Variants in CAPN9 observed in about 807,000 individuals in gnomAD.
The protein encoded by CAPN9 is calpain 9, also known as calpain-9.
Under a neutral mutation model 92.8 loss-of-function variants are expected in CAPN9, and 81 were observed. The observed-to-expected ratio is 0.87, with a 90% CI of 0.73 to 1.05. The LOEUF (loss-of-function observed/expected upper bound fraction) is 1.05. Ranked by LOEUF, CAPN9 falls within the 50% of genes least tolerant of loss-of-function variation. The pLI is 0.00. For synonymous variants in CAPN9, 304 were observed against 328.0 expected, an observed-to-expected ratio of 0.93 and a Z score of 0.79; for missense variants, 848 against 866.2, an observed-to-expected ratio of 0.98 and a Z score of 0.26.
At chr1:230,795,591 G>T in intron 18 of CAPN9, 1 of 295,892 alleles carries the variant, frequency 3.4e-6, no homozygotes, top group East Asian at 8.8e-5. Flanking sequence ...TCCCATCATA[G>T]CATATAGAAA....
Position 230,780,025 on chromosome 1 carries a change from G to T in CAPN9, c.1115-154G>T, listed in dbSNP as rs74144833. ...GAGGACTTATTGAACAGGGAGAGAA[G>T]GTATTACTTTCTCATGTTTGGTAGG... On this transcript the variant is annotated intron_variant, in intron 9 of 19. Coordinates refer to ENST00000271971, the MANE Select transcript of CAPN9 (RefSeq NM_006615.3). 3.3e-3 allele frequency among the ~76,000 whole-genome samples: 496 copies of T among 151,780 alleles called. 1 individual carries two copies. Among genetic ancestry groups the T allele is most frequent in the African/African-American group, 0.011 (456 of 41,368 alleles).
intron 11 of CAPN9, among the ~76,000 whole-genome samples, 179 bp downstream of exon 11, chr1:230,780,887 T>A (rs956535568): frequency 6.6e-6 from 1 of 151,222 alleles, no homozygotes; most frequent in African/African-American, 2.4e-5. Context: ...TTTTTTGAAA[T>A]GAAGTTTCAC....
intron 8 of CAPN9, chr1:230,776,039 T>A (rs1014336052): frequency 4.6e-5 from 7 of 152,212 alleles, no homozygotes; most frequent in Non-Finnish European, 8.8e-5. Flanking sequence ...TATAGTTGTC[T>A]TAGTCTATTT....
intron 4 of CAPN9, 152 bp downstream of exon 4, chr1:230,762,938 G>T (rs957296852): frequency 2.6e-6 from 2 of 758,968 alleles, no homozygotes; most frequent in Non-Finnish European, 4.0e-6. Flanking sequence ...CTCAAGCGGG[G>T]TTGGAGGTGG....
In CAPN9 at chr1:230,779,102, C is replaced by A; in HGVS notation, c.1083C>A (p.Gly361=). The A allele has an allele frequency of 6.2e-7, 1 of 1,612,860 alleles. No individual in the cohort carries two copies. The highest frequency in any genetic ancestry group is 1.7e-5 in the Admixed American group (1 of 60,018). ...VTVHQGSWVR[G]STAGGCRNFL... Reference sequence around the variant, plus strand: ...TCCATCAGGGAAGCTGGGTTCGCGGCTCCACGGCTGGGGGCTGCCGCAATT... The same window carrying A: ...TCCATCAGGGAAGCTGGGTTCGCGGATCCACGGCTGGGGGCTGCCGCAATT... Residue 361 remains glycine, a synonymous_variant, in exon 9 of 20, where the codon GGC becomes GGA. Coordinates refer to ENST00000271971, the MANE Select transcript of CAPN9 (RefSeq NM_006615.3).
intron 8 of CAPN9, among the ~76,000 whole-genome samples, chr1:230,778,681 C>T (rs1666992229): frequency 6.6e-6 from 1 of 152,164 alleles, no homozygotes; most frequent in South Asian, 2.1e-4. Flanking sequence ...TCTTACCTCC[C>T]TGTTTAAAAT....
chr1:230,798,190 C>A lies in CAPN9; in HGVS notation c.2016C>A (p.Asn672Lys). The change falls in exon 19 of 20, where the codon AAC (asparagine) becomes AAA (lysine). Residue 672 changes from asparagine (N) to lysine (K), a missense_variant. Asn to Lys is a moderately conservative substitution (Grantham distance 94). Transcript: ENST00000271971. ...SRVFQALSTK[N>K]KEFIHLNINE... ...TGTTCCAGGCTCTCAGTACAAAGAA[C>A]AAGGAGTTCATTCATCTCAATATAA... is the stretch of plus-strand genomic sequence containing the variant. The A allele has an allele frequency of 6.2e-7, 1 of 1,612,112 alleles. No homozygotes were observed. Among genetic ancestry groups the A allele is most frequent in the Non-Finnish European group, 8.5e-7 (1 of 1,178,236 alleles).
intron 1 of CAPN9, 133 bp downstream of exon 1, chr1:230,747,842 CG>C (rs1558301727): frequency 1.3e-6 from 1 of 787,232 alleles, no homozygotes; most frequent in Non-Finnish European, 2.1e-6. Context: ...CCCAGTCTAC[CG>C]TGGAAAGCTT....
chr1:230,792,001 A>T, intron 15 of CAPN9, 73 bp downstream of exon 15: 3 of 1,038,596 alleles, frequency 2.9e-6, no homozygotes, highest in Non-Finnish European at 4.5e-6. Flanking sequence ...AATCTTCAAT[A>T]GTGCAGACTC....
At position 230,747,682 on chromosome 1, in the gene CAPN9, G is replaced by A. The variant is rs1182450168; in HGVS notation, c.186G>A (p.Gln62=). 6.2e-7 allele frequency: 1 copy of A among 1,614,080 alleles called. No individual in the cohort carries two copies. The highest frequency in any genetic ancestry group is 2.2e-5 in the East Asian group (1 of 44,894). The change falls in exon 1 of 20, where the codon CAG becomes CAA. Residue 62 remains glutamine (Q), a synonymous_variant. Transcript: ENST00000271971. ...CCCTGTTCTACAGTGAGAGGCCGCAGATCCCCTTTGTGTGGAAACGACCAG... is the reference window on the plus strand; with the variant it reads ...CCCTGTTCTACAGTGAGAGGCCGCAAATCCCCTTTGTGTGGAAACGACCAG... ...NSSLFYSERP[Q]IPFVWKRPGE...
In CAPN9 at chr1:230,780,226, G is replaced by T. The variant is rs1667117040; in HGVS notation, c.1162G>T (p.Asp388Tyr). Residue 388 changes from aspartate (D) to tyrosine (Y), a missense_variant, in exon 10 of 20, where the codon GAT becomes TAT. Asp to Tyr is a radical substitution (Grantham distance 160). Transcript: ENST00000271971. ...AATAAAATTGTCTCTGACTGAGAAAGATGAGGGGCAGGAGGAGTGTAGTTT... is the reference window on the plus strand; with the variant it reads ...AATAAAATTGTCTCTGACTGAGAAATATGAGGGGCAGGAGGAGTGTAGTTT... ...PQIKLSLTEK[D>Y]EGQEECSFLV... The T allele has an allele frequency of 6.2e-7, 1 of 1,614,014 alleles. No homozygotes were observed. Among genetic ancestry groups the T allele is most frequent in the Admixed American group, 1.7e-5 (1 of 60,010 alleles).
At chr1:230,750,277 C>T (rs183103151) in intron 1 of CAPN9, among the ~76,000 whole-genome samples, 18 of 152,326 alleles carry the variant, frequency 1.2e-4, no homozygotes, top group Admixed American at 4.6e-4. Flanking sequence ...TCTCCACCTA[C>T]GGCAGACCCT....
At chr1:230,782,271 T>C (rs544342810) in intron 11 of CAPN9, among the ~76,000 whole-genome samples, 2 of 152,320 alleles carry the variant, frequency 1.3e-5, no homozygotes, top group African/African-American at 4.8e-5. Context: ...GTAACAAAAA[T>C]TCACACTGAG....
Position 230,759,550 on chromosome 1 carries a change from C to T in CAPN9, c.322C>T (p.Leu108Phe), listed in dbSNP as rs1048809170. 6 of 1,611,684 alleles carry T rather than the reference C, an allele frequency of 3.7e-6. No individual in the cohort carries two copies. The highest frequency in any genetic ancestry group is 3.4e-5 in the Admixed American group (2 of 59,656). Reference sequence around the variant, plus strand: ...ATTAGCCGCCATCGCCTCCCTTACGCTTAATCAAAAAGCACTGGCCAGAGT... The same window carrying T: ...ATTAGCCGCCATCGCCTCCCTTACGTTTAATCAAAAAGCACTGGCCAGAGT... Reference protein sequence around the residue: ...WLLAAIASLTLNQKALARVIP... With the variant: ...WLLAAIASLTFNQKALARVIP... The change falls in exon 3 of 20, where the codon CTT becomes TTT. Residue 108 changes from leucine (L) to phenylalanine (F), a missense_variant. Physicochemically the swap from Leu to Phe is conservative, Grantham distance 22 (BLOSUM62 0). Transcript: ENST00000271971.
rs575112353 is a variant in CAPN9 at position 230,779,100 on chromosome 1, G to C, written c.1081G>C (p.Gly361Arg). The change falls in exon 9 of 20, where the codon GGC (glycine) becomes CGC (arginine). Residue 361 changes from glycine (G) to arginine (R), a missense_variant. Coordinates refer to ENST00000271971, the MANE Select transcript of CAPN9 (RefSeq NM_006615.3). Reference protein sequence around the residue: ...VTVHQGSWVRGSTAGGCRNFL... With the variant: ...VTVHQGSWVRRSTAGGCRNFL... Reference sequence around the variant, plus strand: ...GGTCCATCAGGGAAGCTGGGTTCGCGGCTCCACGGCTGGGGGCTGCCGCAA... The same window carrying C: ...GGTCCATCAGGGAAGCTGGGTTCGCCGCTCCACGGCTGGGGGCTGCCGCAA... 3 of 1,612,820 alleles carry C rather than the reference G, an allele frequency of 1.9e-6. No individual in the cohort carries two copies. The highest frequency in any genetic ancestry group is 1.7e-6 in the Non-Finnish European group (2 of 1,179,908).
rs140717051 is a variant in CAPN9 at position 230,780,201 on chromosome 1, A to T, written c.1137A>T (p.Gln379His). The change falls in exon 10 of 20, where the codon CAA becomes CAT. Residue 379 changes from glutamine to histidine, a missense_variant. Transcript: ENST00000271971. ...CAGATACCTTTTGGACCAATCCACA[A>T]ATAAAATTGTCTCTGACTGAGAAAG... ...NFLDTFWTNPQIKLSLTEKDE... is the reference protein window; with the variant it reads ...NFLDTFWTNPHIKLSLTEKDE... The T allele has an allele frequency of 6.2e-7, 1 of 1,613,734 alleles. No homozygotes were observed. The highest frequency in any genetic ancestry group is 8.5e-7 in the Non-Finnish European group (1 of 1,179,940).
chr1:230,772,735 A>C (rs1471855512), intron 7 of CAPN9, among the ~76,000 whole-genome samples: 1 of 131,968 alleles, frequency 7.6e-6, no homozygotes. Context: ...GAGCATGTTG[A>C]CCCCATCTCT....
At chr1:230,778,922 A>G in intron 8 of CAPN9, 51 bp from the exon 9 acceptor site, 1 of 1,493,076 alleles carries the variant, frequency 6.7e-7, no homozygotes, top group Non-Finnish European at 9.2e-7. Flanking sequence ...TGAATGGATG[A>G]TGCCCTCACT....
At chr1:230,786,179 G>T in intron 12 of CAPN9, 162 bp downstream of exon 12, 1 of 985,328 alleles carries the variant, frequency 1.0e-6, no homozygotes, top group Non-Finnish European at 1.2e-6. Flanking sequence ...AGATGTGTGT[G>T]TTCTAGTCTG....
Sources: allele counts gnomAD v4.1 joint callset (sites outside exome capture counted in the v4.1 genomes callset), GRCh38; gene constraint gnomAD v4.1.1; transcripts MANE v1.5; gene names NCBI Gene and HGNC (gene_info 2026-07-23, HGNC 2026-07-21).